SDK1: variants seen among roughly 807,000 people sequenced by gnomAD.
SDK1 encodes the protein sidekick cell adhesion molecule 1.
Under a neutral mutation model 245.5 loss-of-function variants are expected in SDK1, and 157 were observed. The ratio of observed to expected loss-of-function variants is 0.64; its 90% CI spans 0.56 to 0.73. SDK1 has a LOEUF of 0.73. SDK1 is among the 30% of genes least tolerant of loss of function. The pLI, the probability that SDK1 is intolerant of heterozygous loss-of-function variation, is 0.00. For synonymous variants in SDK1, 1,647 were observed against 1,278.5 expected, an observed-to-expected ratio of 1.29 and a Z score of -6.15; for missense variants, 3,583 against 3,002.3, an observed-to-expected ratio of 1.19 and a Z score of -4.52.
At chr7:3,348,667 A>G (rs903027366) in intron 1 of SDK1, among the ~76,000 whole-genome samples, 2 of 152,112 alleles carry the variant, frequency 1.3e-5, no homozygotes, top group African/African-American at 4.8e-5. Context: ...TCCCCATGTA[A>G]CCTGTGTATG....
At chr7:3,357,930 G>C (rs1436617563) in intron 1 of SDK1, among the ~76,000 whole-genome samples, 3 of 152,104 alleles carry the variant, frequency 2.0e-5, no homozygotes, top group Non-Finnish European at 2.9e-5. Flanking sequence ...AAAAAGTATA[G>C]AGTAACATAA....
intron 16 of SDK1, among the ~76,000 whole-genome samples, chr7:4,013,461 G>A (rs774501252): frequency 7.9e-5 from 12 of 152,202 alleles, no homozygotes; most frequent in Non-Finnish European, 1.5e-4. Flanking sequence ...CTCGTTCCAA[G>A]TGTGTGATCA....
rs574357918 is a variant in SDK1 at position 3,860,596 on chromosome 7, T to G, written c.847+39013T>G. On this transcript the variant is annotated intron_variant, in intron 5 of 44. Coordinates refer to ENST00000404826, the MANE Select transcript of SDK1 (RefSeq NM_152744.4). ...ACAGCCATTTTTGGGAGCAATTTGG[T>G]GATATCTATTGAGAAAATAACTTTT... Among the ~76,000 whole-genome samples the G allele has an allele frequency of 2.6e-5, 4 of 152,300 alleles. No individual in the cohort carries two copies. In the South Asian group the frequency reaches 8.3e-4, roughly 32 times the overall value.
chr7:3,752,532 TAAG>T (rs760436129), intron 4 of SDK1, among the ~76,000 whole-genome samples: 1 of 152,216 alleles, frequency 6.6e-6, no homozygotes, highest in East Asian at 1.9e-4. Context: ...GATTTTCTGT[TAAG>T]AAATCAAAAA....
chr7:4,128,885 G>A (rs537495388), intron 26 of SDK1, among the ~76,000 whole-genome samples: 78 of 111,800 alleles, frequency 7.0e-4, no homozygotes, highest in South Asian at 1.7e-3. Context: ...GTGCCCTGGA[G>A]GAGAGCAGCT....
At chr7:4,031,179 A>T (rs1328387277) in intron 17 of SDK1, among the ~76,000 whole-genome samples, 1 of 152,224 alleles carries the variant, frequency 6.6e-6, no homozygotes, top group Non-Finnish European at 1.5e-5. Context: ...GTTCTTGTAC[A>T]TGTATATATA....
intron 16 of SDK1, among the ~76,000 whole-genome samples, chr7:4,013,364 T>C (rs1019203390): frequency 1.3e-5 from 2 of 152,234 alleles, no homozygotes; most frequent in East Asian, 3.9e-4. Flanking sequence ...TCTCTTCTAA[T>C]AGATTGCACC....
At chr7:3,969,138 C>G (rs145381450) in intron 10 of SDK1, 119 bp from the exon 11 acceptor site, 1 of 898,506 alleles carries the variant, frequency 1.1e-6, no homozygotes, top group South Asian at 2.4e-5. Flanking sequence ...CAATTCGAGA[C>G]GAGACTTGGG....
At chr7:3,525,513 T>C (rs997680490) in intron 1 of SDK1, among the ~76,000 whole-genome samples, 3 of 152,130 alleles carry the variant, frequency 2.0e-5, no homozygotes, top group African/African-American at 7.2e-5. Context: ...ACTCGGCATC[T>C]CCCAGCACCA....
intron 1 of SDK1, among the ~76,000 whole-genome samples, chr7:3,453,596 C>G (rs774737176): frequency 6.6e-6 from 1 of 152,098 alleles, no homozygotes; most frequent in East Asian, 1.9e-4. Flanking sequence ...GAAGGAATGC[C>G]GACAGCTGCC....
chr7:3,763,449 A>G (rs978339874), intron 4 of SDK1, among the ~76,000 whole-genome samples: 2 of 152,160 alleles, frequency 1.3e-5, no homozygotes, highest in African/African-American at 4.8e-5. Context: ...TATTTACTTC[A>G]TCGCATCTAT....
chr7:3,396,906 A>G (rs1210924184), intron 1 of SDK1, among the ~76,000 whole-genome samples: 1 of 151,610 alleles, frequency 6.6e-6, no homozygotes, highest in African/African-American at 2.4e-5. Context: ...TATGTTTTCT[A>G]TAAATGTTAT....
At chr7:3,806,980 G>C (rs994706788) in intron 4 of SDK1, among the ~76,000 whole-genome samples, 2 of 152,158 alleles carry the variant, frequency 1.3e-5, no homozygotes, top group Admixed American at 1.3e-4. Context: ...TTCTCAAAAC[G>C]GCCCTTTTTG....
intron 5 of SDK1, among the ~76,000 whole-genome samples, chr7:3,914,061 G>A (rs770376318): frequency 6.6e-6 from 1 of 152,212 alleles, no homozygotes; most frequent in Non-Finnish European, 1.5e-5. Context: ...AAAAAGGTAA[G>A]GAGCGGTTAT....
chr7:3,901,699 C>T (rs1237109456), intron 5 of SDK1, among the ~76,000 whole-genome samples: 1 of 152,192 alleles, frequency 6.6e-6, no homozygotes, highest in African/African-American at 2.4e-5. Flanking sequence ...ACACTCTTTA[C>T]TCACTCACGG....
chr7:3,867,468 G>C (rs114642901), intron 5 of SDK1, among the ~76,000 whole-genome samples: 7,161 of 152,250 alleles, frequency 0.047, 533 homozygotes, highest in African/African-American at 0.16. Context: ...TGGACTCACA[G>C]TGTCATATGG....
intron 40 of SDK1, among the ~76,000 whole-genome samples, chr7:4,226,773 G>C (rs981653517): frequency 2.6e-4 from 39 of 152,166 alleles, no homozygotes; most frequent in African/African-American, 9.2e-4. Context: ...TATTTACACA[G>C]ATTATTCTAA....
chr7:3,775,618 G>A lies in SDK1; in HGVS notation c.714-45832G>A, dbSNP rs557359980. 1.9e-4 allele frequency among the ~76,000 whole-genome samples: 28 copies of A among 149,168 alleles called. No individual in the cohort carries two copies. The South Asian group carries it at 2.8e-3, about 15-fold the overall frequency. On this transcript the variant is annotated intron_variant, in intron 4 of 44. Transcript: ENST00000404826. ...AGAGTCTTGCTCTGTCGCCCAGGCC[G>A]GACTGCGGACTGCAGTGGCGTAATC...
In SDK1 at chr7:3,888,883, A is replaced by G. The variant is rs186392405; in HGVS notation, c.848-62040A>G. On this transcript the variant is annotated intron_variant, in intron 5 of 44. Transcript: ENST00000404826. ...ATATGTTATTTTAATGTTTCATTTT[A>G]CTAGAAGTTAATCTATGTGTCTAAA... 3.2e-4 allele frequency among the ~76,000 whole-genome samples: 48 copies of G among 152,354 alleles called. 2 individuals carry two copies. The highest frequency in any genetic ancestry group is 2.2e-3 in the Admixed American group (34 of 15,302).
Sources: gnomAD v4.1 joint callset for allele counts (sites outside exome capture counted in the v4.1 genomes callset) on GRCh38, gnomAD v4.1.1 for gene constraint, MANE v1.5 for transcripts, NCBI Gene and HGNC (gene_info 2026-07-23, HGNC 2026-07-21) for gene names.